Variants in EXOC4 observed in about 807,000 individuals in gnomAD.
EXOC4 encodes the protein exocyst complex component 4.
Under a neutral mutation model 107.2 loss-of-function variants are expected in EXOC4, and 71 were observed. The ratio of observed to expected loss-of-function variants is 0.66; its 90% CI spans 0.55 to 0.81. The LOEUF is 0.81. Ranked by LOEUF, EXOC4 falls within the 30% of genes least tolerant of loss-of-function variation. The pLI, the probability that EXOC4 is intolerant of heterozygous loss-of-function variation, is 0.00. For missense variants in EXOC4, 1,108 were observed against 1,189.6 expected (o/e 0.93, Z 1.01); for synonymous variants, 456 against 441.2 (o/e 1.03, Z -0.42).
At chr7:133,267,476 C>G (rs545053241) in intron 1 of EXOC4, among the ~76,000 whole-genome samples, 1 of 152,310 alleles carries the variant, frequency 6.6e-6, no homozygotes, top group East Asian at 1.9e-4. Flanking sequence ...CTCTCACTTT[C>G]TAGTAAGCTG....
At chr7:133,474,899 A>G (rs957612655) in intron 7 of EXOC4, among the ~76,000 whole-genome samples, 2 of 152,128 alleles carry the variant, frequency 1.3e-5, no homozygotes, top group Admixed American at 6.6e-5. Flanking sequence ...TGTGCTTTAA[A>G]AGAGATAATA....
rs1378007753 is a variant in EXOC4, at chr7:133,383,433, CT to C, written c.1182+8438del. 4.6e-5 allele frequency among the ~76,000 whole-genome samples: 7 copies of C among 152,112 alleles called. 1 individual carries two copies. Among genetic ancestry groups the C allele is most frequent in the Admixed American group, 3.3e-4 (5 of 15,260 alleles). ...GTGACACCTAGAACAAGTCACTTTA[CT>C]TTTTTTAGTGCCTTGATTTCTTTTT... On this transcript the variant is annotated intron_variant, in intron 7 of 17. Coordinates refer to ENST00000253861, the MANE Select transcript of EXOC4 (RefSeq NM_021807.4).
intron 14 of EXOC4, among the ~76,000 whole-genome samples, chr7:133,956,981 GA>G (rs780684326): frequency 5.3e-5 from 8 of 151,792 alleles, no homozygotes; most frequent in Non-Finnish European, 8.8e-5. Flanking sequence ...TAATACCATT[GA>G]TTTTTTTTTT....
intron 7 of EXOC4, among the ~76,000 whole-genome samples, chr7:133,473,065 A>G (rs1459571148): frequency 6.6e-6 from 1 of 152,200 alleles, no homozygotes; most frequent in African/African-American, 2.4e-5. Context: ...GAAACAATGC[A>G]TTTATATACA....
chr7:133,690,858 T>G (rs1306603814), intron 10 of EXOC4, among the ~76,000 whole-genome samples: 1 of 152,088 alleles, frequency 6.6e-6, no homozygotes. Context: ...TGGGGGAAAC[T>G]AATGGAAGAT....
At chr7:133,862,213 C>T (rs1217554802) in intron 11 of EXOC4, among the ~76,000 whole-genome samples, 3 of 148,574 alleles carry the variant, frequency 2.0e-5, no homozygotes, top group Non-Finnish European at 3.0e-5. Flanking sequence ...TATTCTAGGT[C>T]GGGCGTGGTG....
intron 11 of EXOC4, among the ~76,000 whole-genome samples, chr7:133,820,849 C>T (rs1395413964): frequency 6.6e-6 from 1 of 152,162 alleles, no homozygotes; most frequent in Non-Finnish European, 1.5e-5. Flanking sequence ...AAGAGAACCC[C>T]AGGACACTTT....
intron 13 of EXOC4, among the ~76,000 whole-genome samples, chr7:133,936,661 T>C (rs891724945): frequency 6.6e-6 from 1 of 152,170 alleles, no homozygotes; most frequent in African/African-American, 2.4e-5. Context: ...GTTTTGTTTT[T>C]GTTTTGTTTT....
At chr7:134,035,934 C>T (rs1182705307) in intron 17 of EXOC4, among the ~76,000 whole-genome samples, 3 of 152,188 alleles carry the variant, frequency 2.0e-5, no homozygotes, top group African/African-American at 7.2e-5. Flanking sequence ...TTGGCCAGAA[C>T]TTGATCACAC....
chr7:133,767,419 A>G (rs900900928), intron 10 of EXOC4, among the ~76,000 whole-genome samples: 2 of 151,840 alleles, frequency 1.3e-5, no homozygotes, highest in African/African-American at 4.8e-5. Context: ...GTAGGCTCCA[A>G]TTAAACAGTG....
At chr7:133,525,818 G>C (rs567425769) in intron 9 of EXOC4, among the ~76,000 whole-genome samples, 4 of 152,154 alleles carry the variant, frequency 2.6e-5, no homozygotes, top group Non-Finnish European at 5.9e-5. Context: ...GTAGTTGTCT[G>C]TAATCATAGT....
chr7:133,568,590 A>G (rs987494366), intron 9 of EXOC4, among the ~76,000 whole-genome samples: 2 of 152,174 alleles, frequency 1.3e-5, no homozygotes, highest in Non-Finnish European at 1.5e-5. Flanking sequence ...TGACTTCACT[A>G]TTTCAACCAG....
the EXOC4 span, among the ~76,000 whole-genome samples, chr7:134,081,271 G>A: frequency 6.6e-6 from 1 of 152,084 alleles, no homozygotes; most frequent in Admixed American, 6.5e-5. Context: ...TGAGCCCAGG[G>A]GGTGGAAGTT....
chr7:133,340,236 T>C (rs1008249254), intron 5 of EXOC4, among the ~76,000 whole-genome samples: 2 of 152,170 alleles, frequency 1.3e-5, no homozygotes, highest in African/African-American at 4.8e-5. Context: ...CTGGATTTCG[T>C]CCAATGTTTT....
intron 5 of EXOC4, among the ~76,000 whole-genome samples, chr7:133,354,870 C>T (rs2150654531): frequency 1.3e-5 from 2 of 152,250 alleles, no homozygotes; most frequent in Middle Eastern, 3.4e-3. Flanking sequence ...GCAAGCCTTC[C>T]ATAGACTCCA....
intron 5 of EXOC4, among the ~76,000 whole-genome samples, chr7:133,341,531 T>C (rs1795660596): frequency 6.6e-6 from 1 of 152,166 alleles, no homozygotes; most frequent in Non-Finnish European, 1.5e-5. Context: ...AATGAGAACA[T>C]AAATATCTGT....
intron 10 of EXOC4, among the ~76,000 whole-genome samples, chr7:133,710,589 G>A (rs1039586712): frequency 4.0e-5 from 6 of 149,178 alleles, no homozygotes; most frequent in Non-Finnish European, 7.5e-5. Flanking sequence ...GAACCCGGGA[G>A]GCGGAGCTTG....
intron 9 of EXOC4, among the ~76,000 whole-genome samples, chr7:133,606,451 AT>A (rs1196649062): frequency 6.6e-6 from 1 of 152,038 alleles, no homozygotes; most frequent in Admixed American, 6.6e-5. Flanking sequence ...AGCAGTTAGA[AT>A]TAAACACAAT....
At chr7:133,665,030 A>G (rs1183022435) in intron 10 of EXOC4, among the ~76,000 whole-genome samples, 1 of 152,192 alleles carries the variant, frequency 6.6e-6, no homozygotes, top group Non-Finnish European at 1.5e-5. Flanking sequence ...AGAAAAATGC[A>G]ATGCTCTTTA....
Sources: allele counts gnomAD v4.1 joint callset (sites outside exome capture counted in the v4.1 genomes callset), GRCh38; gene constraint gnomAD v4.1.1; transcripts MANE v1.5; gene names NCBI Gene and HGNC (gene_info 2026-07-23, HGNC 2026-07-21).